The following SLC39A8 variants were observed in gnomAD, a reference collection of about 807,000 sequenced individuals.
The protein encoded by SLC39A8 is solute carrier family 39 member 8.
A neutral mutation model predicts 40.4 loss-of-function variants in SLC39A8; 15 were observed. That is an observed-to-expected ratio of 0.37 (90% confidence interval 0.25 to 0.57). The LOEUF is 0.57. Ranked by LOEUF, SLC39A8 falls within the 20% of genes least tolerant of loss-of-function variation. SLC39A8 has a pLI of 0.75. For synonymous variants in SLC39A8, 223 were observed against 221.6 expected, an observed-to-expected ratio of 1.01 and a Z score of -0.06; for missense variants, 472 against 558.8, an observed-to-expected ratio of 0.84 and a Z score of 1.57.
intron 6 of SLC39A8, among the ~76,000 whole-genome samples, chr4:102,273,741 A>G (rs1732480815): frequency 6.6e-6 from 1 of 152,226 alleles, no homozygotes; most frequent in African/African-American, 2.4e-5. Flanking sequence ...CGAAGCTTCC[A>G]GAGGAAGGAG....
At chr4:102,274,458 G>A (rs2149010253) in intron 6 of SLC39A8, among the ~76,000 whole-genome samples, 1 of 152,328 alleles carries the variant, frequency 6.6e-6, no homozygotes, top group South Asian at 2.1e-4. Flanking sequence ...TATGTGAAAA[G>A]ACCAAACCTA....
chr4:102,305,934 T>C (rs551870483), intron 4 of SLC39A8, among the ~76,000 whole-genome samples: 1 of 152,154 alleles, frequency 6.6e-6, no homozygotes, highest in East Asian at 1.9e-4. Flanking sequence ...GATGTCTGGG[T>C]TCTTGTCCTA....
chr4:102,299,167 C>T (rs1560546046), intron 6 of SLC39A8, among the ~76,000 whole-genome samples: 1 of 151,954 alleles, frequency 6.6e-6, no homozygotes, highest in Non-Finnish European at 1.5e-5. Context: ...AAGTGATAGC[C>T]AGTAATATTC....
intron 6 of SLC39A8, among the ~76,000 whole-genome samples, chr4:102,298,218 T>G (rs542023752): frequency 1.1e-4 from 16 of 152,048 alleles, no homozygotes; most frequent in Admixed American, 2.0e-4. Context: ...AAAAGTATAC[T>G]TCATATCAGT....
intron 2 of SLC39A8, among the ~76,000 whole-genome samples, chr4:102,330,681 A>T (rs1268563726): frequency 7.0e-6 from 1 of 142,628 alleles, no homozygotes. Context: ...TTACGAGGTC[A>T]GCATCATCCT....
intron 6 of SLC39A8, among the ~76,000 whole-genome samples, chr4:102,278,419 CAAATCA>C (rs964694180): frequency 5.5e-4 from 83 of 152,264 alleles, no homozygotes; most frequent in African/African-American, 1.9e-3. Context: ...TAGCGAAATG[CAAATCA>C]AAACCACAAT....
At chr4:102,304,283 A>C (rs1734039204) in intron 6 of SLC39A8, 34 bp downstream of exon 6, 1 of 1,541,974 alleles carries the variant, frequency 6.5e-7, no homozygotes, top group Non-Finnish European at 8.9e-7. Context: ...TAAAGAATGC[A>C]GTATAATGAA....
At chr4:102,336,692 T>A (rs1735685523) in intron 2 of SLC39A8, among the ~76,000 whole-genome samples, 1 of 152,228 alleles carries the variant, frequency 6.6e-6, no homozygotes, top group South Asian at 2.1e-4. Context: ...CAACAGAGTA[T>A]CTTTAGAAAG....
Position 102,262,971 on chromosome 4 carries a change from G to T in SLC39A8, c.*73C>A, listed in dbSNP as rs1263115466. ...TTATCTTTTTAACTAAATAGGATCA[G>T]CTTCAAAATCCTTTTTGGAGATGTT... On this transcript the variant is annotated 3_prime_UTR_variant, in exon 9 of 9. Transcript: ENST00000356736. The T allele has an allele frequency of 3.3e-6, 5 of 1,501,358 alleles. No individual in the cohort carries two copies. The highest frequency in any genetic ancestry group is 2.2e-5 in the Admixed American group (1 of 44,972). The allele number at this position is 1,501,358 out of a possible 1,614,324, so 93.0% of individuals were successfully genotyped here. A position where few individuals can be genotyped will look rare whatever the true frequency, so the allele number is the denominator to read the frequency against.
chr4:102,280,013 G>A (rs2149014891), intron 6 of SLC39A8, among the ~76,000 whole-genome samples: 1 of 152,294 alleles, frequency 6.6e-6, no homozygotes, highest in African/African-American at 2.4e-5. Flanking sequence ...CAGGTGCTCA[G>A]CAGGTTCCAG....
chr4:102,314,977 G>A (rs527397653), intron 3 of SLC39A8, among the ~76,000 whole-genome samples: 2 of 152,208 alleles, frequency 1.3e-5, no homozygotes, highest in African/African-American at 4.8e-5. Flanking sequence ...ACAAATGAAC[G>A]AAACTTTAAA....
chr4:102,261,728 G>T lies in SLC39A8; in HGVS notation c.*1316C>A, dbSNP rs911686549. 1.0e-6 allele frequency: 1 copy of T among 981,234 alleles called. No individual in the cohort carries two copies. Among genetic ancestry groups the T allele is most frequent in the Admixed American group, 6.2e-5 (1 of 16,256 alleles). The allele number at this position is 981,234 out of a possible 1,614,324, so 60.8% of individuals were successfully genotyped here. A position where few individuals can be genotyped will look rare whatever the true frequency, so the allele number is the denominator to read the frequency against. On this transcript the variant is annotated 3_prime_UTR_variant, in exon 9 of 9. Coordinates refer to ENST00000356736, the MANE Select transcript of SLC39A8 (RefSeq NM_001135146.2). Reference sequence around the variant, plus strand: ...ATTTTTTAATTGTCAGTCATAAAGTGAAATACATACTAAAATATATATTAA... The same window carrying T: ...ATTTTTTAATTGTCAGTCATAAAGTTAAATACATACTAAAATATATATTAA...
intron 2 of SLC39A8, among the ~76,000 whole-genome samples, chr4:102,341,206 T>C (rs1278398141): frequency 6.6e-6 from 1 of 152,120 alleles, no homozygotes; most frequent in African/African-American, 2.4e-5. Flanking sequence ...CTACAGGAGA[T>C]GGGCTGCAAG....
chr4:102,344,500 T>A lies in SLC39A8; in HGVS notation c.163A>T (p.Met55Leu). 1 of 1,557,086 alleles carries A rather than the reference T, an allele frequency of 6.4e-7. No individual in the cohort carries two copies. The highest frequency in any genetic ancestry group is 8.7e-7 in the Non-Finnish European group (1 of 1,151,528). Reference sequence around the variant, plus strand: ...ACGCCCACGCGGGAGGCGGCTCCCATCTGCTCCAGCAAGTGCTGGAGCTGC... The same window carrying A: ...ACGCCCACGCGGGAGGCGGCTCCCAACTGCTCCAGCAAGTGCTGGAGCTGC... ...AAQLQHLLEQMGAASRVGVPE... is the reference protein window; with the variant it reads ...AAQLQHLLEQLGAASRVGVPE... The change falls in exon 2 of 9, where the codon ATG becomes TTG. Residue 55 changes from methionine to leucine, a missense_variant. Around this residue, in one of 4 missense-constraint regions of SLC39A8, gnomAD observed 175 missense variants for 160.5 expected, o/e 1.09. Transcript: ENST00000356736.
chr4:102,329,694 C>G (rs1735364880), intron 2 of SLC39A8, among the ~76,000 whole-genome samples: 1 of 150,476 alleles, frequency 6.6e-6, no homozygotes, highest in Non-Finnish European at 1.5e-5. Flanking sequence ...TAGACATTTA[C>G]AGAACTCTCC....
chr4:102,320,381 A>T (rs182597464), intron 2 of SLC39A8, among the ~76,000 whole-genome samples: 2 of 83,636 alleles, frequency 2.4e-5, no homozygotes, highest in Admixed American at 1.3e-4. Flanking sequence ...TATATATGAG[A>T]ATATATATAT....
chr4:102,331,036 G>A (rs1007233963), intron 2 of SLC39A8, among the ~76,000 whole-genome samples: 1 of 152,096 alleles, frequency 6.6e-6, no homozygotes, highest in African/African-American at 2.4e-5. Context: ...AAAATAATAA[G>A]AGCTGCTTAT....
intron 6 of SLC39A8, among the ~76,000 whole-genome samples, chr4:102,270,475 C>T (rs1444234678): frequency 6.6e-6 from 1 of 152,176 alleles, no homozygotes; most frequent in African/African-American, 2.4e-5. Context: ...AGAGAGAACA[C>T]TAAATTCAAG....
Position 102,332,195 on chromosome 4 carries a change from A to G in SLC39A8, c.219+12249T>C, listed in dbSNP as rs866269007. On this transcript the variant is annotated intron_variant, in intron 2 of 8. Transcript: ENST00000356736. Reference sequence around the variant, plus strand: ...TCTAATTAAACTAAAGAGCTTCTGCACAGCAAAAGAAGCTATCATCAAAGT... The same window carrying G: ...TCTAATTAAACTAAAGAGCTTCTGCGCAGCAAAAGAAGCTATCATCAAAGT... Among the ~76,000 whole-genome samples the G allele has an allele frequency of 7.4e-4, 113 of 152,356 alleles. 1 individual carries two copies. Among genetic ancestry groups the G allele is most frequent in the Non-Finnish European group, 1.2e-3 (81 of 68,032 alleles).
Sources: gnomAD v4.1 joint callset for allele counts (sites outside exome capture counted in the v4.1 genomes callset) on GRCh38, gnomAD v4.1.1 for gene constraint, gnomAD v4.1.1 regional missense constraint, MANE v1.5 for transcripts, NCBI Gene and HGNC (gene_info 2026-07-23, HGNC 2026-07-21) for gene names.